Variants in STK11IP observed in about 807,000 individuals in gnomAD.
STK11IP encodes the protein serine/threonine-protein kinase 11-interacting protein.
In STK11IP, 103 loss-of-function variants were observed where a neutral mutation model predicts 131.7. The ratio of observed to expected loss-of-function variants is 0.78; its 90% CI spans 0.67 to 0.92. The LOEUF (loss-of-function observed/expected upper bound fraction) is 0.92. Ranked by LOEUF, STK11IP falls within the 40% of genes least tolerant of loss-of-function variation. The probability of loss-of-function intolerance (pLI) is 0.00; values close to 1 mark genes in which losing one functional copy is unlikely to be tolerated. For synonymous variants in STK11IP, 557 were observed against 575.6 expected (o/e 0.97, Z 0.46); for missense variants, 1,315 against 1,385.7 (o/e 0.95, Z 0.81).
At position 219,608,110 on chromosome 2, in the gene STK11IP, G is replaced by A. The variant is rs368068218; in HGVS notation, c.1283G>A (p.Arg428His). The A allele has an allele frequency of 5.2e-5, 84 of 1,613,094 alleles. No individual in the cohort carries two copies. The South Asian group carries it at 7.1e-4, about 14-fold the overall frequency. ...AGCAGCTTCCGGGAACGGTTCGGCCGCAACTGGCTGCAGTACAGGAGTCAC... is the reference window on the plus strand; with the variant it reads ...AGCAGCTTCCGGGAACGGTTCGGCCACAACTGGCTGCAGTACAGGAGTCAC... Reference protein sequence around the residue: ...LMSSFRERFGRNWLQYRSHLE... With the variant: ...LMSSFRERFGHNWLQYRSHLE... The change falls in exon 14 of 25, where the codon CGC becomes CAC. Residue 428 changes from arginine to histidine, a missense_variant. Coordinates refer to ENST00000456909, the MANE Select transcript of STK11IP (RefSeq NM_052902.4).
At position 219,611,763 on chromosome 2, in the gene STK11IP, T is replaced by C. The variant is rs759967189; in HGVS notation, c.2264T>C (p.Leu755Pro). 2 of 1,613,036 alleles carry C rather than the reference T, an allele frequency of 1.2e-6. No individual in the cohort carries two copies. The highest frequency in any genetic ancestry group is 1.1e-5 in the South Asian group (1 of 91,074). The change falls in exon 18 of 25, where the codon CTT (leucine) becomes CCT (proline). Residue 755 changes from leucine (L) to proline (P), a missense_variant. Coordinates refer to ENST00000456909, the MANE Select transcript of STK11IP (RefSeq NM_052902.4). Reference protein sequence around the residue: ...VCHPPGHGDHLDRAKNSPPQA... With the variant: ...VCHPPGHGDHPDRAKNSPPQA... ...CACCCTCCTGGCCATGGTGACCACC[T>C]TGACAGGGCCAAGAACAGCCCACCT...
At position 219,608,617 on chromosome 2, in the gene STK11IP, G is replaced by A; in HGVS notation, c.1638G>A (p.Leu546=). 2 of 1,610,206 alleles carry A rather than the reference G, an allele frequency of 1.2e-6. No homozygotes were observed. The highest frequency in any genetic ancestry group is 1.7e-6 in the Non-Finnish European group (2 of 1,177,620). ...GTCGCCCCTTGTTGGTGTGTCCCCT[G>A]GAGGGGCCTGAGGGCGTACGGGGCA... The part of the protein sequence containing the change: ...ELCRPLLVCP[L]EGPEGVRGRE... The change falls in exon 15 of 25, where the codon CTG becomes CTA. Residue 546 remains leucine, a synonymous_variant. Transcript: ENST00000456909.
intron 7 of STK11IP, among the ~76,000 whole-genome samples, chr2:219,603,725 T>C (rs1043455052): frequency 1.3e-5 from 2 of 151,938 alleles, no homozygotes; most frequent in African/African-American, 4.8e-5. Flanking sequence ...TTTCACCATC[T>C]TAGCCAGGCT....
intron 5 of STK11IP, 102 bp from the exon 6 acceptor site, chr2:219,602,366 T>C: frequency 1.1e-6 from 1 of 881,122 alleles, no homozygotes; most frequent in Admixed American, 2.2e-5. Context: ...CAGATGGAGT[T>C]CAGTGTATAA....
intron 1 of STK11IP, 82 bp from the exon 2 acceptor site, chr2:219,598,012 A>T: frequency 1.3e-6 from 2 of 1,579,608 alleles, no homozygotes; most frequent in Non-Finnish European, 1.7e-6. Flanking sequence ...TCTCCGCATG[A>T]CGCCTCGGTT....
intron 17 of STK11IP, among the ~76,000 whole-genome samples, chr2:219,611,351 A>G (rs1172311104): frequency 1.3e-5 from 2 of 152,204 alleles, no homozygotes; most frequent in Admixed American, 1.3e-4. Context: ...GAGAGGGCCT[A>G]GAGTTAGAAG....
chr2:219,616,104 C>T lies in STK11IP; in HGVS notation c.3178C>T (p.Leu1060=), dbSNP rs376969557. Residue 1060 remains leucine, a synonymous_variant, in exon 25 of 25, where the codon CTG becomes TTG. Coordinates refer to ENST00000456909, the MANE Select transcript of STK11IP (RefSeq NM_052902.4). ...GGTGTGTCAGGAGCAGCTGACAGCC[C>T]TGCTTGCCTGGATCCGGGAACCATG... The part of the protein sequence containing the change: ...RVVCQEQLTA[L]LAWIREPWEE... 51 of 1,613,888 alleles carry T rather than the reference C, an allele frequency of 3.2e-5. No homozygotes were observed. In the African/African-American group the frequency reaches 3.7e-4, roughly 12 times the overall value.
At chr2:219,605,375 A>C in intron 7 of STK11IP, 3 of 432,858 alleles carry the variant, frequency 6.9e-6, no homozygotes, top group Non-Finnish European at 8.3e-6. Flanking sequence ...CCAGGCAGGA[A>C]TTTAAGGGGC....
chr2:219,607,957 G>A (rs1559181652), intron 13 of STK11IP, 90 bp from the exon 14 acceptor site: 8 of 1,515,100 alleles, frequency 5.3e-6, no homozygotes, highest in Middle Eastern at 2.5e-4. Flanking sequence ...ACAGCCCATC[G>A]CCCCCTCATC....
chr2:219,608,006 T>TGGGGCAGGCTTGCTCAGTTC, intron 13 of STK11IP, 41 bp from the exon 14 acceptor site: 1 of 1,582,306 alleles, frequency 6.3e-7, no homozygotes, highest in Non-Finnish European at 8.6e-7. Context: ...GCCATCTGTG[T>TGGGGCAGGCTTGCTCAGTTC]GGGGCAGGCT....
chr2:219,602,500 C>G lies in STK11IP; in HGVS notation c.471C>G (p.Cys157Trp), dbSNP rs370915475. Residue 157 changes from cysteine to tryptophan, a missense_variant, in exon 6 of 25, where the codon TGC becomes TGG. Transcript: ENST00000456909. ...ELLSACGGDF[C>W]SALPWLALLS... Reference sequence around the variant, plus strand: ...TCTCAGCCTGCGGCGGCGACTTCTGCTCTGCCCTCCCTTGGCTGGCTCTGC... The same window carrying G: ...TCTCAGCCTGCGGCGGCGACTTCTGGTCTGCCCTCCCTTGGCTGGCTCTGC... 13 of 1,613,876 alleles carry G rather than the reference C, an allele frequency of 8.1e-6. No individual in the cohort carries two copies. In the African/African-American group the frequency reaches 1.3e-4, roughly 17 times the overall value.
chr2:219,615,815 A>G (rs551671146), intron 24 of STK11IP: 1 of 718,622 alleles, frequency 1.4e-6, no homozygotes. Context: ...CTTCTGTACA[A>G]CAGGGAAGAT....
rs1698185097 is a variant in STK11IP, at chr2:219,606,870, C to A, written c.1134+12C>A. The A allele has an allele frequency of 6.2e-7, 1 of 1,602,566 alleles. No homozygotes were observed. Among genetic ancestry groups the A allele is most frequent in the African/African-American group, 1.3e-5 (1 of 74,714 alleles). On this transcript the variant is annotated intron_variant, in intron 12 of 24. Coordinates refer to ENST00000456909, the MANE Select transcript of STK11IP (RefSeq NM_052902.4). ...TTCATAAGGTTAAGGTAAGCAGCGT[C>A]CTCCGCTGCCTTGTGCCTGCGGTTG... is the stretch of plus-strand genomic sequence containing the variant.
chr2:219,616,029 T>C lies in STK11IP; in HGVS notation c.3118-15T>C, dbSNP rs758295505. The C allele has an allele frequency of 7.4e-6, 12 of 1,612,620 alleles. No individual in the cohort carries two copies. In the South Asian group the frequency reaches 1.3e-4, roughly 18 times the overall value. On this transcript the variant is annotated splice_polypyrimidine_tract_variant and intron_variant, in intron 24 of 24. Transcript: ENST00000456909. ...TCCCCATGAGCCTCGCCTTGCTAACTGCTCGGTCTGCCAGGTGTCCCGGCT... is the reference window on the plus strand; with the variant it reads ...TCCCCATGAGCCTCGCCTTGCTAACCGCTCGGTCTGCCAGGTGTCCCGGCT...
chr2:219,607,177 C>T lies in STK11IP; in HGVS notation c.1219+40C>T, dbSNP rs114236726. ...TCCCACTAACCTCTCTCGTCCCCAG[C>T]GAGCTCACTCTAATTTTTAAGTTAC... On this transcript the variant is annotated intron_variant, in intron 13 of 24. Transcript: ENST00000456909. 4.2e-5 allele frequency: 66 copies of T among 1,583,454 alleles called. No homozygotes were observed. The African/African-American group carries it at 5.0e-4, about 12-fold the overall frequency.
At chr2:219,615,726 G>T in intron 24 of STK11IP, 1 of 650,156 alleles carries the variant, frequency 1.5e-6, no homozygotes, top group Non-Finnish European at 2.9e-6. Context: ...CTGAGGCTTG[G>T]GGATGTTAAC....
intron 8 of STK11IP, 29 bp downstream of exon 8, chr2:219,605,763 A>G (rs1348228616): frequency 3.1e-6 from 5 of 1,588,896 alleles, no homozygotes; most frequent in Non-Finnish European, 4.3e-6. Context: ...TGGGGCAAGC[A>G]TGGAGGGGAA....
In STK11IP at chr2:219,614,441, A is replaced by G. The variant is rs748261491; in HGVS notation, c.2799-35A>G. On this transcript the variant is annotated intron_variant, in intron 22 of 24. Coordinates refer to ENST00000456909, the MANE Select transcript of STK11IP (RefSeq NM_052902.4). Reference sequence around the variant, plus strand: ...TCTCTTCAAGTCCTTCCCACCCGCTAGCTGATCTTCCTGTGCCTGCCATAT... The same window carrying G: ...TCTCTTCAAGTCCTTCCCACCCGCTGGCTGATCTTCCTGTGCCTGCCATAT... 3.7e-6 allele frequency: 6 copies of G among 1,609,182 alleles called. No individual in the cohort carries two copies. The South Asian group carries it at 5.5e-5, about 15-fold the overall frequency.
chr2:219,598,256 G>A (rs942654033), intron 2 of STK11IP, 76 bp downstream of exon 2: 2 of 1,090,566 alleles, frequency 1.8e-6, no homozygotes, highest in African/African-American at 1.6e-5. Context: ...GACACGCCCT[G>A]AGAGTCATGG....
Sources: allele counts gnomAD v4.1 joint callset (sites outside exome capture counted in the v4.1 genomes callset), GRCh38; gene constraint gnomAD v4.1.1; transcripts MANE v1.5; gene names NCBI Gene and HGNC (gene_info 2026-07-23, HGNC 2026-07-21).